CTNNA3: variants seen among roughly 807,000 people sequenced by gnomAD.
CTNNA3 encodes the protein catenin alpha-3.
A neutral mutation model predicts 95.7 loss-of-function variants in CTNNA3; 76 were observed. The ratio of observed to expected loss-of-function variants is 0.79; its 90% CI spans 0.66 to 0.96. The LOEUF (loss-of-function observed/expected upper bound fraction) is 0.96, where lower values mean the gene tolerates loss of function less well. CTNNA3 is among the 40% of genes least tolerant of loss of function. CTNNA3 has a pLI of 0.00. For synonymous variants in CTNNA3, 431 were observed against 374.4 expected (o/e 1.15, Z -1.74); for missense variants, 1,191 against 1,089.8 (o/e 1.09, Z -1.31).
At chr10:66,635,990 C>CTGTGTGTGTGTGTGTGTG (rs10527642) in intron 9 of CTNNA3, among the ~76,000 whole-genome samples, 72 of 145,936 alleles carry the variant, frequency 4.9e-4, no homozygotes, top group Admixed American at 6.9e-4. Flanking sequence ...TGGAAGAACA[C>CTGTGTGTGTGTGTGTGTG]TGTGTGTGTG....
In CTNNA3 at chr10:66,515,771, G is replaced by A. The variant is rs772672319; in HGVS notation, c.1531+4846C>T. On this transcript the variant is annotated intron_variant, in intron 11 of 17. Coordinates refer to ENST00000433211, the MANE Select transcript of CTNNA3 (RefSeq NM_013266.4). ...AGCCTTTATAAAACCATCAGATCTC[G>A]TGAGAATTAACCTCACTATCACAAG... Among the ~76,000 whole-genome samples, 5 of 151,946 alleles carry A rather than the reference G, an allele frequency of 3.3e-5. No individual in the cohort carries two copies. In the East Asian group the frequency reaches 5.8e-4, roughly 18 times the overall value.
intron 5 of CTNNA3, among the ~76,000 whole-genome samples, chr10:67,451,184 C>T (rs1846966462): frequency 6.6e-6 from 1 of 152,106 alleles, no homozygotes; most frequent in Admixed American, 6.5e-5. Context: ...TTCCATGCTT[C>T]TGCCTTCTTC....
intron 10 of CTNNA3, among the ~76,000 whole-genome samples, chr10:66,587,769 G>A (rs1319137758): frequency 6.6e-6 from 1 of 152,128 alleles, no homozygotes; most frequent in African/African-American, 2.4e-5. Flanking sequence ...TGGGTTCCAG[G>A]TAGTCTGTAC....
intron 7 of CTNNA3, among the ~76,000 whole-genome samples, chr10:66,917,030 A>G (rs1445147374): frequency 2.0e-5 from 3 of 152,240 alleles, no homozygotes; most frequent in East Asian, 1.9e-4. Flanking sequence ...AGTCTTCTTC[A>G]CAGCACTTAT....
intron 13 of CTNNA3, among the ~76,000 whole-genome samples, chr10:66,152,469 A>T (rs542444909): frequency 1.1e-4 from 16 of 152,094 alleles, no homozygotes; most frequent in Admixed American, 4.6e-4. Context: ...AACAACACAA[A>T]GTATAAAAAT....
At chr10:66,566,285 G>T (rs1389348129) in intron 10 of CTNNA3, among the ~76,000 whole-genome samples, 1 of 152,152 alleles carries the variant, frequency 6.6e-6, no homozygotes, top group Non-Finnish European at 1.5e-5. Context: ...AAATGCCCAG[G>T]ATTTGGTGAC....
Position 66,414,746 on chromosome 10 carries a change from C to T in CTNNA3, c.1532-35394G>A, listed in dbSNP as rs111936266. 9.3e-3 allele frequency among the ~76,000 whole-genome samples: 1,414 copies of T among 152,188 alleles called. 31 individuals carry two copies. The highest frequency in any genetic ancestry group is 0.032 in the African/African-American group (1,344 of 41,528). ...GGCTGCTGCTCCCAGGGCTTAGGCA[C>T]AAGTGACCTTGGGCCACTACACTCT... On this transcript the variant is annotated intron_variant, in intron 11 of 17. Transcript: ENST00000433211.
intron 15 of CTNNA3, among the ~76,000 whole-genome samples, chr10:66,036,322 G>C (rs1424475072): frequency 1.3e-5 from 2 of 152,104 alleles, no homozygotes; most frequent in Non-Finnish European, 2.9e-5. Flanking sequence ...TAAGTCTCTA[G>C]ACGGCGAAAA....
At chr10:66,457,649 A>G (rs1327046991) in intron 11 of CTNNA3, among the ~76,000 whole-genome samples, 5 of 151,608 alleles carry the variant, frequency 3.3e-5, no homozygotes, top group Admixed American at 6.6e-5. Context: ...TTAAAAAAAA[A>G]AGTTTATGTT....
intron 5 of CTNNA3, among the ~76,000 whole-genome samples, chr10:67,292,522 G>C (rs1211110208): frequency 6.6e-6 from 1 of 152,032 alleles, no homozygotes; most frequent in Non-Finnish European, 1.5e-5. Flanking sequence ...AATGTCAAAT[G>C]ATACCACATC....
chr10:66,221,891 G>T (rs138200895), intron 13 of CTNNA3, among the ~76,000 whole-genome samples: 1 of 152,098 alleles, frequency 6.6e-6, no homozygotes, highest in Non-Finnish European at 1.5e-5. Context: ...GAATCAAATC[G>T]CAATGCTTGG....
At chr10:67,638,161 G>A (rs1371048423) in intron 2 of CTNNA3, among the ~76,000 whole-genome samples, 1 of 152,136 alleles carries the variant, frequency 6.6e-6, no homozygotes, top group Non-Finnish European at 1.5e-5. Context: ...ATAAAGGGAT[G>A]GAGGAAGATC....
At chr10:67,168,646 C>T (rs1861884989) in intron 7 of CTNNA3, among the ~76,000 whole-genome samples, 1 of 152,100 alleles carries the variant, frequency 6.6e-6, no homozygotes, top group Non-Finnish European at 1.5e-5. Flanking sequence ...ATAATAAGAG[C>T]CATCTATGAC....
chr10:66,146,731 A>G (rs1181014474), intron 13 of CTNNA3, among the ~76,000 whole-genome samples: 1 of 151,976 alleles, frequency 6.6e-6, no homozygotes, highest in African/African-American at 2.4e-5. Context: ...TAATTTTTGT[A>G]TTTTTTGTAG....
chr10:67,009,426 C>T (rs1249105061), intron 7 of CTNNA3, among the ~76,000 whole-genome samples: 4 of 151,958 alleles, frequency 2.6e-5, no homozygotes, highest in African/African-American at 4.8e-5. Flanking sequence ...TGAAAGCTTT[C>T]GTGTTTCTCT....
chr10:67,050,476 T>G (rs1345780657), intron 7 of CTNNA3, among the ~76,000 whole-genome samples: 1 of 152,210 alleles, frequency 6.6e-6, no homozygotes, highest in Non-Finnish European at 1.5e-5. Context: ...CAGCTTAGAT[T>G]GCAGAACAGA....
At chr10:66,754,197 A>G (rs1839278543) in intron 9 of CTNNA3, among the ~76,000 whole-genome samples, 1 of 152,222 alleles carries the variant, frequency 6.6e-6, no homozygotes, top group Admixed American at 6.5e-5. Flanking sequence ...AGATCAGTGG[A>G]ATAGAATTGA....
intron 7 of CTNNA3, among the ~76,000 whole-genome samples, chr10:67,027,817 G>T (rs1047452861): frequency 1.3e-5 from 2 of 151,928 alleles, no homozygotes; most frequent in Non-Finnish European, 2.9e-5. Context: ...GAGTATATTC[G>T]TTTTTTCCTT....
intron 14 of CTNNA3, among the ~76,000 whole-genome samples, chr10:66,094,823 T>C (rs1428210036): frequency 6.6e-6 from 1 of 152,092 alleles, no homozygotes; most frequent in African/African-American, 2.4e-5. Flanking sequence ...CAATTCTTCT[T>C]TGACAGTGGT....
Sources: gnomAD v4.1 joint callset for allele counts (sites outside exome capture counted in the v4.1 genomes callset) on GRCh38, gnomAD v4.1.1 for gene constraint, MANE v1.5 for transcripts, NCBI Gene and HGNC (gene_info 2026-07-23, HGNC 2026-07-21) for gene names.